AP3B1: variants seen among roughly 807,000 people sequenced by gnomAD.
AP3B1 encodes the protein adaptor related protein complex 3 subunit beta 1, also known as AP-3 complex subunit beta-1.
A neutral mutation model predicts 132.5 loss-of-function variants in AP3B1; 61 were observed. That is an observed-to-expected ratio of 0.46 (90% CI 0.37 to 0.57). The LOEUF (loss-of-function observed/expected upper bound fraction) is 0.57. Ranked by LOEUF, AP3B1 falls within the 20% of genes least tolerant of loss-of-function variation. The pLI, the probability that AP3B1 is intolerant of heterozygous loss-of-function variation, is 0.00. For synonymous variants in AP3B1, 388 were observed against 438.3 expected, an observed-to-expected ratio of 0.89 and a Z score of 1.43; for missense variants, 1,120 against 1,289.4, an observed-to-expected ratio of 0.87 and a Z score of 2.01.
intron 2 of AP3B1, among the ~76,000 whole-genome samples, chr5:78,252,693 G>A (rs1165164911): frequency 2.0e-5 from 3 of 152,140 alleles, no homozygotes; most frequent in African/African-American, 7.2e-5. Context: ...GTGCCAGCTC[G>A]GCTGCAATAC....
intron 11 of AP3B1, 34 bp downstream of exon 11, chr5:78,175,592 G>A (rs1744113185): frequency 6.4e-7 from 1 of 1,551,252 alleles, no homozygotes; most frequent in African/African-American, 1.4e-5. Context: ...AAACAAATGT[G>A]TTAAAAGCCT....
At chr5:78,195,766 G>A (rs1745056698) in intron 7 of AP3B1, among the ~76,000 whole-genome samples, 1 of 152,068 alleles carries the variant, frequency 6.6e-6, no homozygotes, top group Non-Finnish European at 1.5e-5. Flanking sequence ...GCTGCACTGA[G>A]CTGAGATCAT....
At chr5:78,210,840 T>TA (rs1745702905) in intron 7 of AP3B1, among the ~76,000 whole-genome samples, 1 of 152,146 alleles carries the variant, frequency 6.6e-6, no homozygotes, top group African/African-American at 2.4e-5. Flanking sequence ...AATATTTATT[T>TA]TTTTAAATCG....
At chr5:78,172,162 C>T (rs942187783) in intron 11 of AP3B1, among the ~76,000 whole-genome samples, 14 of 152,236 alleles carry the variant, frequency 9.2e-5, no homozygotes, top group East Asian at 5.8e-4. Flanking sequence ...TGAGGATTTT[C>T]GCATCTATGT....
intron 7 of AP3B1, among the ~76,000 whole-genome samples, chr5:78,209,421 T>C (rs1745643553): frequency 6.6e-6 from 1 of 152,222 alleles, no homozygotes; most frequent in African/African-American, 2.4e-5. Context: ...TCCGTTCTAT[T>C]GATTCCAGGT....
chr5:78,036,644 A>C (rs1747820709), intron 23 of AP3B1, among the ~76,000 whole-genome samples: 1 of 152,126 alleles, frequency 6.6e-6, no homozygotes, highest in Non-Finnish European at 1.5e-5. Flanking sequence ...ATTATTCCTA[A>C]TATTCTTGTA....
chr5:78,174,150 G>T (rs760101149), intron 11 of AP3B1, among the ~76,000 whole-genome samples: 1 of 152,254 alleles, frequency 6.6e-6, no homozygotes, highest in South Asian at 2.1e-4. Flanking sequence ...GCTCGGAGAA[G>T]TTTGTTACTA....
intron 7 of AP3B1, among the ~76,000 whole-genome samples, chr5:78,200,929 A>T (rs1158373520): frequency 6.6e-6 from 1 of 152,124 alleles, no homozygotes. Context: ...GCCTTTAAAG[A>T]GGTGTTTACA....
At chr5:78,081,010 A>C (rs917006613) in intron 22 of AP3B1, among the ~76,000 whole-genome samples, 13 of 152,198 alleles carry the variant, frequency 8.5e-5, no homozygotes, top group African/African-American at 3.1e-4. Flanking sequence ...TTCAAAATAC[A>C]AATGGATGGC....
rs1365450843 is a variant in AP3B1 at position 78,141,165 on chromosome 5, A to G, written c.1628T>C (p.Leu543Ser). Residue 543 changes from leucine (L) to serine (S), a missense_variant, in exon 15 of 27, where the codon TTG (leucine) becomes TCG (serine). Leu to Ser is a moderately radical substitution (Grantham distance 145). Around this residue, in one of 3 missense-constraint regions of AP3B1, gnomAD observed 906 missense variants for 997.1 expected, o/e 0.91. Transcript: ENST00000255194. ...CACCTGTTTGGAGTTGGTTAAATAC[A>G]ATTTTGCTCCCAGATTTAATATCTG... ...KLQILNLGAK[L>S]YLTNSKQTKL... 1 of 1,613,688 alleles carries G rather than the reference A, an allele frequency of 6.2e-7. No individual in the cohort carries two copies. The highest frequency in any genetic ancestry group is 2.2e-5 in the East Asian group (1 of 44,842).
Position 78,090,027 on chromosome 5 carries a change from G to C in AP3B1, c.2471-528C>G, listed in dbSNP as rs1750442558. Among the ~76,000 whole-genome samples, 3 of 152,108 alleles carry C rather than the reference G, an allele frequency of 2.0e-5. No homozygotes were observed. In the South Asian group the frequency reaches 6.2e-4, roughly 31 times the overall value. On this transcript the variant is annotated intron_variant, in intron 21 of 26. Coordinates refer to ENST00000255194, the MANE Select transcript of AP3B1 (RefSeq NM_003664.5). ...CTGATTCTAAAACTGCTATATACTT[G>C]AGAACTGATACCTGTAAGTTTGGAA...
At chr5:78,120,571 C>G (rs1413284284) in intron 17 of AP3B1, among the ~76,000 whole-genome samples, 2 of 151,976 alleles carry the variant, frequency 1.3e-5, no homozygotes, top group African/African-American at 4.8e-5. Context: ...GACTTTAAAC[C>G]AACAAAGATC....
At chr5:78,140,176 A>G (rs2112324624) in intron 15 of AP3B1, among the ~76,000 whole-genome samples, 1 of 152,310 alleles carries the variant, frequency 6.6e-6, no homozygotes, top group Non-Finnish European at 1.5e-5. Context: ...TCTTATTAAC[A>G]GCTGCTCAAA....
chr5:78,220,138 A>C (rs756561020), intron 6 of AP3B1, among the ~76,000 whole-genome samples: 3 of 152,148 alleles, frequency 2.0e-5, no homozygotes, highest in Non-Finnish European at 4.4e-5. Flanking sequence ...AAAAAAAGGT[A>C]ATAATTAAGA....
At position 78,024,724 on chromosome 5, in the gene AP3B1, G is replaced by C. The variant is rs929897107; in HGVS notation, c.2895-3935C>G. Among the ~76,000 whole-genome samples the C allele has an allele frequency of 2.0e-5, 3 of 151,734 alleles. 1 individual carries two copies. Among genetic ancestry groups the C allele is most frequent in the African/African-American group, 7.2e-5 (3 of 41,388 alleles). ...GGATTACAGGTGCATGCCACATGCC[G>C]GGCTAATTTTTGTATTTTAGTAGAG... On this transcript the variant is annotated intron_variant, in intron 24 of 26. Transcript: ENST00000255194.
chr5:78,003,453 AG>A, intron 26 of AP3B1: 1 of 783,754 alleles, frequency 1.3e-6, no homozygotes, highest in Non-Finnish European at 1.5e-6. Flanking sequence ...TGTTAAGAAA[AG>A]GTACCTTTCT....
At position 78,240,956 on chromosome 5, in the gene AP3B1, G is replaced by A. The variant is rs921693587; in HGVS notation, c.205-20C>T. On this transcript the variant is annotated intron_variant, in intron 2 of 26. Coordinates refer to ENST00000255194, the MANE Select transcript of AP3B1 (RefSeq NM_003664.5). Reference sequence around the variant, plus strand: ...AATCATCTGAAGAATAAACAAAACAGACAATATGGGAAATTCTATATATAT... The same window carrying A: ...AATCATCTGAAGAATAAACAAAACAAACAATATGGGAAATTCTATATATAT... The A allele has an allele frequency of 2.9e-5, 44 of 1,521,012 alleles. No individual in the cohort carries two copies. The highest frequency in any genetic ancestry group is 3.9e-5 in the Non-Finnish European group (43 of 1,096,324). The allele number at this position is 1,521,012 out of a possible 1,614,324, so 94.2% of individuals were successfully genotyped here.
chr5:78,294,489 A>C lies in AP3B1; in HGVS notation c.91T>G (p.Ser31Ala). ...GQEATSTISP[S>A]GAFGLFSSDL... Reference sequence around the variant, plus strand: ...CTGCTAAAGAGGCCGAAGGCCCCCGAGGGGGAAATGGTTGAGGTCGCCTCC... The same window carrying C: ...CTGCTAAAGAGGCCGAAGGCCCCCGCGGGGGAAATGGTTGAGGTCGCCTCC... Residue 31 changes from serine (S) to alanine (A), a missense_variant, in exon 1 of 27, where the codon TCG becomes GCG. Coordinates refer to ENST00000255194, the MANE Select transcript of AP3B1 (RefSeq NM_003664.5). 1 of 1,614,192 alleles carries C rather than the reference A, an allele frequency of 6.2e-7. No individual in the cohort carries two copies. Among genetic ancestry groups the C allele is most frequent in the Non-Finnish European group, 8.5e-7 (1 of 1,180,024 alleles).
chr5:78,186,907 G>C (rs1015936764), intron 7 of AP3B1, among the ~76,000 whole-genome samples: 1 of 152,038 alleles, frequency 6.6e-6, no homozygotes, highest in Non-Finnish European at 1.5e-5. Context: ...AGGTCTCTCA[G>C]AATAGGAATA....
Sources: allele counts gnomAD v4.1 joint callset (sites outside exome capture counted in the v4.1 genomes callset), GRCh38; gene constraint gnomAD v4.1.1; regional missense constraint gnomAD v4.1.1; transcripts MANE v1.5; gene names NCBI Gene and HGNC (gene_info 2026-07-23, HGNC 2026-07-21).